The following KIAA0930 variants were observed in gnomAD, a reference collection of about 807,000 sequenced individuals.
The protein encoded by KIAA0930 is uncharacterized protein KIAA0930.
In KIAA0930, 24 loss-of-function variants were observed where a neutral mutation model predicts 43.9. That is an observed-to-expected ratio of 0.55 (90% CI 0.40 to 0.77). The LOEUF (loss-of-function observed/expected upper bound fraction) is 0.77, where lower values mean the gene tolerates loss of function less well. Ranked by LOEUF, KIAA0930 falls within the 30% of genes least tolerant of loss-of-function variation. The pLI is 0.00. For missense variants in KIAA0930, 461 were observed against 574.2 expected (o/e 0.80, Z 2.02); for synonymous variants, 259 against 216.4 (o/e 1.20, Z -1.73).
intron 1 of KIAA0930, among the ~76,000 whole-genome samples, chr22:45,214,983 T>C (rs1515082): frequency 0.77 from 117,597 of 152,062 alleles, 45,714 homozygotes; most frequent in South Asian, 0.86. Context: ...TTTAGGAGGC[T>C]GTGGCCGGCA....
chr22:45,240,351 AGGAG>A (rs1461651203), intron 1 of KIAA0930, among the ~76,000 whole-genome samples: 3 of 152,224 alleles, frequency 2.0e-5, no homozygotes, highest in African/African-American at 7.2e-5. Flanking sequence ...ACGAAGAAGA[AGGAG>A]GAAGATGAGA....
intron 1 of KIAA0930, among the ~76,000 whole-genome samples, chr22:45,237,375 A>T (rs2083894003): frequency 6.6e-6 from 1 of 152,248 alleles, no homozygotes; most frequent in South Asian, 2.1e-4. Context: ...CCCTCTCAGT[A>T]CAGAGCAAGT....
intron 7 of KIAA0930, 191 bp from the exon 8 acceptor site, chr22:45,200,226 A>G: frequency 2.1e-6 from 1 of 486,676 alleles, no homozygotes; most frequent in Admixed American, 4.1e-5. Flanking sequence ...GTTCCAGCCC[A>G]GGGGCCAGCA....
At chr22:45,226,143 T>C (rs2083798818) in intron 1 of KIAA0930, 1 of 423,466 alleles carries the variant, frequency 2.4e-6, no homozygotes, top group African/African-American at 2.0e-5. Flanking sequence ...CGGCAGCCTC[T>C]CCACTCACCC....
intron 1 of KIAA0930, chr22:45,213,392 C>T (rs527700610): frequency 9.2e-6 from 12 of 1,302,528 alleles, no homozygotes; most frequent in South Asian, 4.9e-5. Flanking sequence ...GAGGCTTCAT[C>T]GGTGAGGGTC....
In KIAA0930 at chr22:45,193,324, G is replaced by A. The variant is rs539239005; in HGVS notation, c.*3852C>T. The A allele has an allele frequency of 1.5e-3, 234 of 152,274 alleles. 1 individual carries two copies. Among genetic ancestry groups the A allele is most frequent in the African/African-American group, 5.3e-3 (219 of 41,524 alleles). 9.4% of individuals were successfully genotyped at this position (152,274 alleles called of 1,614,324 possible). ...GGCAGATGTTTCGTATGTCTTTAAA[G>A]GATTTTGGCCAACAACTTAAAACCA... is the stretch of plus-strand genomic sequence containing the variant. On this transcript the variant is annotated 3_prime_UTR_variant, in exon 10 of 10. Transcript: ENST00000336156.
intron 1 of KIAA0930, among the ~76,000 whole-genome samples, chr22:45,225,477 G>A (rs2083793335): frequency 6.6e-6 from 1 of 152,188 alleles, no homozygotes; most frequent in Non-Finnish European, 1.5e-5. Context: ...AGGCAAGCCA[G>A]GCTCTCCAGG....
chr22:45,221,306 C>T (rs2083766119), intron 1 of KIAA0930, among the ~76,000 whole-genome samples: 1 of 152,220 alleles, frequency 6.6e-6, no homozygotes. Flanking sequence ...TTCAGCTTTG[C>T]AGACCATAGC....
chr22:45,207,173 A>AT (rs902180073), intron 2 of KIAA0930, among the ~76,000 whole-genome samples: 6 of 121,540 alleles, frequency 4.9e-5, no homozygotes, highest in East Asian at 2.5e-4. Flanking sequence ...CACCTGGCTA[A>AT]TTTTTTTCTG....
chr22:45,223,353 G>A (rs547714933), intron 1 of KIAA0930, among the ~76,000 whole-genome samples: 1 of 152,336 alleles, frequency 6.6e-6, no homozygotes, highest in East Asian at 1.9e-4. Flanking sequence ...ATGCTTGCTG[G>A]AGCCTGCGGA....
chr22:45,224,437 G>A (rs2083786097), intron 1 of KIAA0930, among the ~76,000 whole-genome samples: 1 of 152,228 alleles, frequency 6.6e-6, no homozygotes, highest in Non-Finnish European at 1.5e-5. Context: ...ACTGAGGCCT[G>A]ACGCTCTTGA....
At chr22:45,202,827 A>C in intron 7 of KIAA0930, 163 bp downstream of exon 7, 1 of 570,366 alleles carries the variant, frequency 1.8e-6, no homozygotes, top group Non-Finnish European at 3.0e-6. Context: ...GGCAAAGAGA[A>C]GGGCTGGGTG....
chr22:45,213,446 G>C, intron 1 of KIAA0930: 1 of 1,273,562 alleles, frequency 7.9e-7, no homozygotes, highest in Admixed American at 2.4e-5. Context: ...AGGGCCAGGA[G>C]AGCCCACGGG....
intron 5 of KIAA0930, among the ~76,000 whole-genome samples, chr22:45,204,291 C>T (rs374474039): frequency 5.3e-5 from 8 of 152,176 alleles, no homozygotes; most frequent in Admixed American, 2.6e-4. Flanking sequence ...CCCTCCACAC[C>T]GCCTAGGGGT....
At chr22:45,208,197 C>T (rs555954270) in intron 2 of KIAA0930, among the ~76,000 whole-genome samples, 128 of 152,316 alleles carry the variant, frequency 8.4e-4, no homozygotes, top group African/African-American at 3.0e-3. Flanking sequence ...AGCAGTGAGA[C>T]CAGATTACAA....
chr22:45,214,427 T>C (rs2083718794), intron 1 of KIAA0930, among the ~76,000 whole-genome samples: 2 of 152,218 alleles, frequency 1.3e-5, no homozygotes. Flanking sequence ...ACACTGTGGA[T>C]AAACCTCAAA....
At chr22:45,226,389 G>T (rs1034934782) in intron 1 of KIAA0930, 2 of 465,280 alleles carry the variant, frequency 4.3e-6, no homozygotes, top group African/African-American at 2.0e-5. Context: ...AGGTCCTAGG[G>T]GACAAAGGGG....
chr22:45,205,280 G>T lies in KIAA0930; in HGVS notation c.453C>A (p.Ser151Arg). 6.2e-7 allele frequency: 1 copy of T among 1,614,156 alleles called. No homozygotes were observed. Among genetic ancestry groups the T allele is most frequent in the Non-Finnish European group, 8.5e-7 (1 of 1,179,998 alleles). Residue 151 changes from serine (S) to arginine (R), a missense_variant, in exon 5 of 10, where the codon AGC (serine) becomes AGA (arginine). Coordinates refer to ENST00000336156, the MANE Select transcript of KIAA0930 (RefSeq NM_001009880.2). ...FASPSKHPMD[S>R]KGEESKISYP... Reference sequence around the variant, plus strand: ...AGCTGATCTTGGACTCCTCCCCCTTGCTGTCCATGGGGTGTTTACTGGGGG... The same window carrying T: ...AGCTGATCTTGGACTCCTCCCCCTTTCTGTCCATGGGGTGTTTACTGGGGG...
chr22:45,203,885 G>C lies in KIAA0930; in HGVS notation c.617C>G (p.Ser206Cys), dbSNP rs760437332. ...CTTCTTGAGCGCCTCGTAGCGGATG[G>C]AGCCCTGAAAGATGACCCCCTGGAA... ...NTFQGVIFQG[S>C]IRYEALKKVY... The change falls in exon 6 of 10, where the codon TCC becomes TGC. Residue 206 changes from serine to cysteine, a missense_variant. Ser to Cys is a moderately radical substitution (Grantham distance 112). Transcript: ENST00000336156. 7 of 1,614,094 alleles carry C rather than the reference G, an allele frequency of 4.3e-6. No individual in the cohort carries two copies. Among genetic ancestry groups the C allele is most frequent in the Non-Finnish European group, 5.9e-6 (7 of 1,179,982 alleles).
Sources: gnomAD v4.1 joint callset for allele counts (sites outside exome capture counted in the v4.1 genomes callset) on GRCh38, gnomAD v4.1.1 for gene constraint, MANE v1.5 for transcripts, NCBI Gene and HGNC (gene_info 2026-07-23, HGNC 2026-07-21) for gene names.